The following SUCLG2 variants were observed in gnomAD, a reference collection of about 807,000 sequenced individuals.
SUCLG2 encodes succinate--CoA ligase [GDP-forming] subunit beta, mitochondrial.
Under a neutral mutation model 47.9 loss-of-function variants are expected in SUCLG2, and 42 were observed. The ratio of observed to expected loss-of-function variants is 0.88; its 90% CI spans 0.69 to 1.14. The LOEUF is 1.14. Among genes scored for constraint, SUCLG2 ranks in the 50% most tolerant of loss-of-function variants. SUCLG2 has a pLI of 0.00. For synonymous variants in SUCLG2, 195 were observed against 197.3 expected (o/e 0.99, Z 0.10); for missense variants, 571 against 525.9 (o/e 1.09, Z -0.84).
At chr3:67,409,082 A>G (rs1575676927) in intron 9 of SUCLG2, 2 of 1,500,792 alleles carry the variant, frequency 1.3e-6, no homozygotes, top group Non-Finnish European at 1.8e-6. Flanking sequence ...AGGTTTGTGG[A>G]CCAATGGGTT....
intron 9 of SUCLG2, among the ~76,000 whole-genome samples, chr3:67,414,827 C>T (rs1342015493): frequency 2.0e-5 from 3 of 151,970 alleles, no homozygotes; most frequent in Non-Finnish European, 4.4e-5. Flanking sequence ...TTGGATTTTC[C>T]CACTCCCTCA....
intron 10 of SUCLG2, among the ~76,000 whole-genome samples, chr3:67,361,783 T>C (rs536444674): frequency 3.2e-4 from 49 of 152,344 alleles, no homozygotes; most frequent in Admixed American, 6.5e-4. Flanking sequence ...AGTTTGGCCA[T>C]GTGACTTGCT....
intron 2 of SUCLG2, among the ~76,000 whole-genome samples, chr3:67,534,736 A>G (rs1184872088): frequency 6.9e-6 from 1 of 145,416 alleles, no homozygotes; most frequent in Non-Finnish European, 1.5e-5. Context: ...TCTACAAAAA[A>G]GCCTTAGGAC....
chr3:67,520,843 C>A (rs993761231), intron 4 of SUCLG2, among the ~76,000 whole-genome samples: 1 of 152,100 alleles, frequency 6.6e-6, no homozygotes, highest in African/African-American at 2.4e-5. Context: ...TTAACTTGTT[C>A]GAGTGACAGG....
chr3:67,482,443 A>AT lies in SUCLG2; in HGVS notation c.1062+13354dup, dbSNP rs375232328. ...GAATCAAAGAATTTGTTCTTTCAGTATAAGTTCTCTTCATGTTTCTATACT... is the reference window on the plus strand; with the variant it reads ...GAATCAAAGAATTTGTTCTTTCAGTATTAAGTTCTCTTCATGTTTCTATACT... On this transcript the variant is annotated intron_variant, in intron 9 of 10. Coordinates refer to ENST00000307227, the MANE Select transcript of SUCLG2 (RefSeq NM_003848.4). Among the ~76,000 whole-genome samples the AT allele has an allele frequency of 3.6e-3, 536 of 150,660 alleles. 4 individuals are homozygous for AT. Among genetic ancestry groups the AT allele is most frequent in the African/African-American group, 0.013 (517 of 40,918 alleles).
downstream of SUCLG2, among the ~76,000 whole-genome samples, chr3:67,370,255 T>C (rs1048485724): frequency 2.0e-5 from 3 of 152,124 alleles, no homozygotes; most frequent in Non-Finnish European, 4.4e-5. Flanking sequence ...ATTTAAAACA[T>C]AGGATAATTA....
At chr3:67,406,820 T>G (rs920419597) in intron 9 of SUCLG2, among the ~76,000 whole-genome samples, 4 of 152,190 alleles carry the variant, frequency 2.6e-5, no homozygotes, top group African/African-American at 9.7e-5. Flanking sequence ...TTATTGAGCA[T>G]CTACAATGAA....
chr3:67,454,272 G>A (rs1289738254), intron 9 of SUCLG2, among the ~76,000 whole-genome samples: 1 of 152,080 alleles, frequency 6.6e-6, no homozygotes, highest in Non-Finnish European at 1.5e-5. Flanking sequence ...GGTATATAGA[G>A]TAATTGTTGA....
At chr3:67,511,788 T>C (rs1387199618) in intron 6 of SUCLG2, among the ~76,000 whole-genome samples, 1 of 145,068 alleles carries the variant, frequency 6.9e-6, no homozygotes. Flanking sequence ...ATTTTGCCTA[T>C]TTTTCTATTG....
intron 1 of SUCLG2, among the ~76,000 whole-genome samples, chr3:67,639,913 A>G (rs923597919): frequency 1.2e-4 from 18 of 152,342 alleles, no homozygotes; most frequent in Admixed American, 1.1e-3. Context: ...AATTCTTGCT[A>G]CATCTAGAGA....
At chr3:67,374,662 A>T (rs183993204), downstream of SUCLG2, 28 of 315,492 alleles carry the variant, frequency 8.9e-5, no homozygotes, top group East Asian at 4.6e-3. Flanking sequence ...GTGTCTTTGT[A>T]AAAAAAAAAA....
At chr3:67,511,479 G>C (rs1191972662) in intron 6 of SUCLG2, among the ~76,000 whole-genome samples, 3 of 152,068 alleles carry the variant, frequency 2.0e-5, no homozygotes, top group African/African-American at 7.2e-5. Context: ...CACGAGATCT[G>C]GTGGTTTTAT....
intron 2 of SUCLG2, among the ~76,000 whole-genome samples, chr3:67,602,318 A>G (rs1708438024): frequency 6.6e-6 from 1 of 152,192 alleles, no homozygotes; most frequent in African/African-American, 2.4e-5. Context: ...AATTGAAGTT[A>G]AGGCATTGAG....
rs192460656 is a variant in SUCLG2 at position 67,384,674 on chromosome 3, T to C, written c.1184-8815A>G. Among the ~76,000 whole-genome samples the C allele has an allele frequency of 1.1e-3, 170 of 152,318 alleles. 1 individual carries two copies. Among genetic ancestry groups the C allele is most frequent in the African/African-American group, 3.9e-3 (161 of 41,560 alleles). On this transcript the variant is annotated intron_variant, in intron 10 of 10. Coordinates refer to ENST00000307227, the MANE Select transcript of SUCLG2 (RefSeq NM_003848.4). ...CTGACTTGATATAGTGGTAAGCAGC[T>C]ATATATCTAGGAGAAAAAAACCCAC...
intron 9 of SUCLG2, among the ~76,000 whole-genome samples, chr3:67,428,770 C>T (rs1011614629): frequency 6.6e-6 from 1 of 152,100 alleles, no homozygotes; most frequent in Non-Finnish European, 1.5e-5. Flanking sequence ...CCTGATGGAG[C>T]TGAAAACCAT....
intron 2 of SUCLG2, among the ~76,000 whole-genome samples, chr3:67,550,661 C>T (rs1706989063): frequency 6.6e-6 from 1 of 152,162 alleles, no homozygotes; most frequent in Admixed American, 6.6e-5. Context: ...ATCTGTCTTA[C>T]CAAGTTTACC....
At chr3:67,384,201 C>G (rs1157789272) in intron 10 of SUCLG2, among the ~76,000 whole-genome samples, 1 of 152,142 alleles carries the variant, frequency 6.6e-6, no homozygotes, top group Non-Finnish European at 1.5e-5. Flanking sequence ...GTCAGATTCT[C>G]AGAGCTTAAT....
At chr3:67,547,256 C>G (rs1333761062) in intron 2 of SUCLG2, among the ~76,000 whole-genome samples, 1 of 152,174 alleles carries the variant, frequency 6.6e-6, no homozygotes, top group Admixed American at 6.5e-5. Context: ...GACACTGCAT[C>G]AGCCTTGGTC....
chr3:67,452,341 T>C (rs1704075691), intron 9 of SUCLG2, among the ~76,000 whole-genome samples: 1 of 152,220 alleles, frequency 6.6e-6, no homozygotes, highest in Non-Finnish European at 1.5e-5. Flanking sequence ...TTTCCATGTG[T>C]GGCCATGAAT....
Sources: gnomAD v4.1 joint callset for allele counts (sites outside exome capture counted in the v4.1 genomes callset) on GRCh38, gnomAD v4.1.1 for gene constraint, MANE v1.5 for transcripts, NCBI Gene and HGNC (gene_info 2026-07-23, HGNC 2026-07-21) for gene names.